The following KRT13 variants were observed in gnomAD, a reference collection of about 807,000 sequenced individuals.
The protein encoded by KRT13 is keratin, type I cytoskeletal 13.
KRT13 carries 27 observed loss-of-function variants against 40.6 expected under a neutral mutation model. That is an observed-to-expected ratio of 0.67 (90% CI 0.49 to 0.92). The LOEUF (loss-of-function observed/expected upper bound fraction) is 0.92. Ranked by LOEUF, KRT13 falls within the 40% of genes least tolerant of loss-of-function variation. KRT13 has a pLI of 0.00. For missense variants in KRT13, 605 were observed against 611.5 expected (o/e 0.99, Z 0.11); for synonymous variants, 266 against 240.3 (o/e 1.11, Z -0.99).
intron 6 of KRT13, 103 bp from the exon 7 acceptor site, chr17:41,501,847 G>A (rs1904863889): frequency 6.5e-7 from 1 of 1,550,172 alleles, no homozygotes; most frequent in Admixed American, 2.0e-5. Context: ...CAAGCCCCTG[G>A]GCTGGACTCT....
Position 41,503,669 on chromosome 17 carries a change from C to A in KRT13, c.552G>T (p.Arg184Ser). Residue 184 changes from arginine (R) to serine (S), a missense_variant, in exon 2 of 8, where the codon AGG becomes AGT. Arg to Ser is a moderately radical substitution (Grantham distance 110, BLOSUM62 -1). Coordinates refer to ENST00000246635, the MANE Select transcript of KRT13 (RefSeq NM_153490.3). ...TGAGCCTGAAGTCGTCCGCAGCCAGCCTGGCATTGTCAATCTCCAGGATGA... is the reference window on the plus strand; with the variant it reads ...TGAGCCTGAAGTCGTCCGCAGCCAGACTGGCATTGTCAATCTCCAGGATGA... ...NRVILEIDNA[R>S]LAADDFRLKY... 1 of 1,613,884 alleles carries A rather than the reference C, an allele frequency of 6.2e-7. No homozygotes were observed. The highest frequency in any genetic ancestry group is 1.6e-4 in the Middle Eastern group (1 of 6,062).
intron 6 of KRT13, chr17:41,501,964 T>C: frequency 6.9e-7 from 1 of 1,439,738 alleles, no homozygotes; most frequent in Non-Finnish European, 9.1e-7. Flanking sequence ...AGGGGAGATA[T>C]TATTAGCCAC....
At position 41,505,340 on chromosome 17, in the gene KRT13, C is replaced by T. The variant is rs1301274244; in HGVS notation, c.211G>A (p.Gly71Ser). The part of the protein sequence containing the change: ...FGGGYGGGLG[G>S]GYGGGLGGGF... The stretch of plus-strand genomic sequence containing the variant: ...CCTCCAAGGCCACCTCCATAGCCAC[C>T]TCCAAGGCCACCTCCATAGCCACCT... The change falls in exon 1 of 8, where the codon GGT (glycine) becomes AGT (serine). Residue 71 changes from glycine (G) to serine (S), a missense_variant. Physicochemically the swap from Gly to Ser is moderately conservative, Grantham distance 56 (BLOSUM62 0). Transcript: ENST00000246635. The T allele has an allele frequency of 6.2e-7, 1 of 1,613,896 alleles. No individual in the cohort carries two copies. The highest frequency in any genetic ancestry group is 2.2e-5 in the East Asian group (1 of 44,806).
intron 6 of KRT13, 171 bp downstream of exon 6, chr17:41,502,203 G>A: frequency 6.6e-7 from 1 of 1,516,320 alleles, no homozygotes; most frequent in Non-Finnish European, 8.8e-7. Flanking sequence ...GCCCAAATTA[G>A]AAAGTTTAAA....
chr17:41,501,528 T>G, intron 7 of KRT13, 166 bp from the exon 8 acceptor site: 1 of 1,148,928 alleles, frequency 8.7e-7, no homozygotes, highest in Non-Finnish European at 1.3e-6. Context: ...CAAATAGCTC[T>G]GTGGGGCAGA....
At chr17:41,504,854 TAATG>T (rs1446585571) in intron 1 of KRT13, among the ~76,000 whole-genome samples, 198 bp downstream of exon 1, 2 of 152,182 alleles carry the variant, frequency 1.3e-5, no homozygotes, top group African/African-American at 2.4e-5. Context: ...TAAAAATGAA[TAATG>T]AGAGAAAATG....
rs974743413 is a variant in KRT13 at position 41,501,203 on chromosome 17, G to A, written c.*53C>T. On this transcript the variant is annotated 3_prime_UTR_variant, in exon 8 of 8. Transcript: ENST00000246635. ...CTCCTCTCTCCTGCAGGGAACTGCC[G>A]GCTCTCTCCTCCTCTGGGTGCTGAA... is the stretch of plus-strand genomic sequence containing the variant. The A allele has an allele frequency of 1.9e-5, 25 of 1,331,684 alleles. No individual in the cohort carries two copies. Among genetic ancestry groups the A allele is most frequent in the Middle Eastern group, 3.6e-4 (2 of 5,550 alleles). The allele number at this position is 1,331,684 out of a possible 1,614,324, so 82.5% of individuals were successfully genotyped here.
chr17:41,502,834 G>A, intron 4 of KRT13, 22 bp from the exon 5 acceptor site: 1 of 1,614,194 alleles, frequency 6.2e-7, no homozygotes, highest in Non-Finnish European at 8.5e-7. Flanking sequence ...GCAGGAAGAA[G>A]GTGGTGGGGA....
At chr17:41,504,198 G>T in intron 1 of KRT13, 1 of 199,080 alleles carries the variant, frequency 5.0e-6, no homozygotes, top group Non-Finnish European at 1.0e-5. Context: ...GAGCACCCTG[G>T]GGGAGATGCA....
chr17:41,501,295 A>G lies in KRT13; in HGVS notation c.1338T>C (p.Asn446=), dbSNP rs771722010. The change falls in exon 8 of 8, where the codon AAT becomes AAC. Residue 446 remains asparagine (N), a synonymous_variant. Coordinates refer to ENST00000246635, the MANE Select transcript of KRT13 (RefSeq NM_153490.3). Reference sequence around the variant, plus strand: ...CATCAGAAGTGCGGCGACCAGAGGCATTAGAGGTGGTGGTAACAGAGGCAC... The same window carrying G: ...CATCAGAAGTGCGGCGACCAGAGGCGTTAGAGGTGGTGGTAACAGAGGCAC... The part of the protein sequence containing the change: ...TSSASVTTTS[N]ASGRRTSDVR... The G allele has an allele frequency of 5.1e-6, 8 of 1,575,998 alleles. No individual in the cohort carries two copies. The South Asian group carries it at 5.8e-5, about 12-fold the overall frequency.
chr17:41,502,045 C>G (rs562630541), intron 6 of KRT13: 4 of 1,415,530 alleles, frequency 2.8e-6, no homozygotes, highest in East Asian at 5.2e-5. Flanking sequence ...CCTGAGCCCA[C>G]AGGGGTGGCT....
chr17:41,502,235 C>A (rs1204078038), intron 6 of KRT13, 139 bp downstream of exon 6: 2 of 1,589,350 alleles, frequency 1.3e-6, no homozygotes, highest in Non-Finnish European at 1.7e-6. Flanking sequence ...TGCAGCCTAC[C>A]AAGGAAATGT....
At chr17:41,501,491 C>T (rs1904849222) in intron 7 of KRT13, 129 bp from the exon 8 acceptor site, 2 of 1,070,372 alleles carry the variant, frequency 1.9e-6, no homozygotes, top group Non-Finnish European at 2.8e-6. Context: ...CTTTATTGTC[C>T]CCAAAGATGG....
At chr17:41,502,893 C>G in intron 4 of KRT13, 44 bp downstream of exon 4, 4 of 1,613,956 alleles carry the variant, frequency 2.5e-6, no homozygotes, top group Non-Finnish European at 3.4e-6. Context: ...CCCGGCCCCC[C>G]TGGCTATATG....
In KRT13 at chr17:41,505,546, C is replaced by T; in HGVS notation, c.5G>A (p.Ser2Asn). M[S>N]LRLQSSSASY... The stretch of plus-strand genomic sequence containing the variant: ...GGCAGAGGAGCTCTGCAGGCGGAGG[C>T]TCATGGTGAGAGCAGGATTGAGAGC... The change falls in exon 1 of 8, where the codon AGC becomes AAC. Residue 2 changes from serine to asparagine, a missense_variant. Ser to Asn is a conservative substitution (Grantham distance 46). Coordinates refer to ENST00000246635, the MANE Select transcript of KRT13 (RefSeq NM_153490.3). The T allele has an allele frequency of 1.2e-6, 2 of 1,614,250 alleles. No individual in the cohort carries two copies. Among genetic ancestry groups the T allele is most frequent in the Non-Finnish European group, 1.7e-6 (2 of 1,180,056 alleles).
chr17:41,501,090 G>GAGA lies in KRT13; in HGVS notation c.*163_*165dup. On this transcript the variant is annotated 3_prime_UTR_variant, in exon 8 of 8. Transcript: ENST00000246635. ...AGAGAGGAGAGAGATCCGACCGGAA[G>GAGA]AGAAGAGCACAGAGGGCCCACCATC... 1 of 593,290 alleles carries GAGA rather than the reference G, an allele frequency of 1.7e-6. No homozygotes were observed. Among genetic ancestry groups the GAGA allele is most frequent in the Admixed American group, 2.5e-5 (1 of 39,986 alleles). 36.8% of individuals were successfully genotyped at this position (593,290 alleles called of 1,614,324 possible). A position where few individuals can be genotyped will look rare whatever the true frequency, so the allele number is the denominator to read the frequency against.
chr17:41,505,371 G>A lies in KRT13; in HGVS notation c.180C>T (p.Gly60=), dbSNP rs540148736. The part of the protein sequence containing the change: ...SCGFGGGAGS[G]FGGGYGGGLG... Reference sequence around the variant, plus strand: ...GGCCACCTCCATAGCCACCTCCAAAGCCACTACCAGCCCCTCCACCAAAAC... The same window carrying A: ...GGCCACCTCCATAGCCACCTCCAAAACCACTACCAGCCCCTCCACCAAAAC... The change falls in exon 1 of 8, where the codon GGC becomes GGT. Residue 60 remains glycine, a synonymous_variant. Transcript: ENST00000246635. 51 of 1,613,730 alleles carry A rather than the reference G, an allele frequency of 3.2e-5. No homozygotes were observed. Among genetic ancestry groups the A allele is most frequent in the Non-Finnish European group, 4.3e-5 (51 of 1,179,744 alleles).
intron 6 of KRT13, chr17:41,502,161 A>G (rs775644459): frequency 1.4e-5 from 21 of 1,457,414 alleles, no homozygotes; most frequent in Non-Finnish European, 1.8e-5. Flanking sequence ...TGTTCCCTCC[A>G]TGGTCTCTGT....
intron 6 of KRT13, chr17:41,502,038 G>T (rs1904869240): frequency 7.1e-7 from 1 of 1,415,476 alleles, no homozygotes; most frequent in Non-Finnish European, 9.2e-7. Context: ...CCTGAGCCCT[G>T]AGCCCACAGG....
Sources: gnomAD v4.1 joint callset for allele counts (sites outside exome capture counted in the v4.1 genomes callset) on GRCh38, gnomAD v4.1.1 for gene constraint, MANE v1.5 for transcripts, NCBI Gene and HGNC (gene_info 2026-07-23, HGNC 2026-07-21) for gene names.